The following GTF2E2 variants were observed in gnomAD, a reference collection of about 807,000 sequenced individuals.
The protein encoded by GTF2E2 is general transcription factor IIE subunit 2.
Under a neutral mutation model 40.5 loss-of-function variants are expected in GTF2E2, and 21 were observed. That is an observed-to-expected ratio of 0.52 (90% CI 0.37 to 0.75). The LOEUF is 0.75. Ranked by LOEUF, GTF2E2 falls within the 30% of genes least tolerant of loss-of-function variation. The pLI is 0.00. For synonymous variants in GTF2E2, 117 were observed against 121.6 expected, an observed-to-expected ratio of 0.96 and a Z score of 0.25; for missense variants, 298 against 338.4, an observed-to-expected ratio of 0.88 and a Z score of 0.94.
intron 5 of GTF2E2, among the ~76,000 whole-genome samples, chr8:30,611,463 A>G (rs962553374): frequency 6.6e-6 from 1 of 152,056 alleles, no homozygotes; most frequent in Non-Finnish European, 1.5e-5. Context: ...TCACGAATGG[A>G]AAAAAAAGAA....
intron 6 of GTF2E2, among the ~76,000 whole-genome samples, chr8:30,588,139 A>G (rs1242290193): frequency 6.6e-6 from 1 of 152,218 alleles, no homozygotes; most frequent in Non-Finnish European, 1.5e-5. Flanking sequence ...AAATTGGTGT[A>G]GCCATTATGG....
intron 2 of GTF2E2, among the ~76,000 whole-genome samples, chr8:30,635,425 C>T (rs967791328): frequency 6.6e-6 from 1 of 152,036 alleles, no homozygotes; most frequent in Non-Finnish European, 1.5e-5. Flanking sequence ...TCCCATTGCC[C>T]AGGCTGAAGT....
chr8:30,583,060 A>C (rs921133595), intron 6 of GTF2E2, among the ~76,000 whole-genome samples: 1 of 152,168 alleles, frequency 6.6e-6, no homozygotes, highest in Non-Finnish European at 1.5e-5. Context: ...TAGGCTGGGC[A>C]CGGTGGCTCA....
rs982984566 is a variant in GTF2E2, at chr8:30,606,407, T to C, written c.643+650A>G. Reference sequence around the variant, plus strand: ...GTCCAATTATTTTCCTGCCATTTTATAAAACTTCAAAAGTAATACAAATTT... The same window carrying C: ...GTCCAATTATTTTCCTGCCATTTTACAAAACTTCAAAAGTAATACAAATTT... On this transcript the variant is annotated intron_variant, in intron 6 of 7. Coordinates refer to ENST00000355904, the MANE Select transcript of GTF2E2 (RefSeq NM_002095.6). Among the ~76,000 whole-genome samples, 4 of 152,176 alleles carry C rather than the reference T, an allele frequency of 2.6e-5. No homozygotes were observed. In the East Asian group the frequency reaches 7.7e-4, roughly 29 times the overall value.
intron 5 of GTF2E2, among the ~76,000 whole-genome samples, chr8:30,609,435 G>T (rs1185347215): frequency 1.3e-5 from 2 of 151,936 alleles, no homozygotes; most frequent in East Asian, 3.9e-4. Flanking sequence ...ACAGATAAGG[G>T]ACAGTCAAAT....
chr8:30,647,689 A>T (rs898983802), intron 2 of GTF2E2, among the ~76,000 whole-genome samples: 4 of 152,264 alleles, frequency 2.6e-5, no homozygotes, highest in Non-Finnish European at 5.9e-5. Flanking sequence ...AACCAACTTT[A>T]AAAGGATTTG....
chr8:30,624,492 C>T (rs1362893588), intron 3 of GTF2E2, among the ~76,000 whole-genome samples: 8 of 152,072 alleles, frequency 5.3e-5, no homozygotes, highest in East Asian at 3.9e-4. Context: ...CTTCACAATG[C>T]GGGCTCTTTT....
intron 3 of GTF2E2, among the ~76,000 whole-genome samples, chr8:30,617,829 G>A (rs1800967486): frequency 6.6e-6 from 1 of 151,886 alleles, no homozygotes; most frequent in African/African-American, 2.4e-5. Context: ...AGAGAAAACT[G>A]GACAGACCTT....
intron 6 of GTF2E2, among the ~76,000 whole-genome samples, chr8:30,600,128 A>G (rs1829134060): frequency 6.6e-6 from 1 of 152,226 alleles, no homozygotes; most frequent in African/African-American, 2.4e-5. Context: ...GTTGCCAGCA[A>G]TGAGGAAAAA....
chr8:30,653,634 A>C, intron 1 of GTF2E2, 32 bp from the exon 2 acceptor site: 1 of 1,518,330 alleles, frequency 6.6e-7, no homozygotes, highest in Admixed American at 1.9e-5. Flanking sequence ...CTTTAATACA[A>C]ATTCAAGTCA....
intron 5 of GTF2E2, among the ~76,000 whole-genome samples, chr8:30,608,575 T>C (rs994478491): frequency 2.0e-5 from 3 of 151,996 alleles, no homozygotes; most frequent in Non-Finnish European, 4.4e-5. Context: ...TAGATCAAGG[T>C]GGTAAAAGGT....
intron 6 of GTF2E2, among the ~76,000 whole-genome samples, chr8:30,586,026 C>T (rs1828672330): frequency 6.6e-6 from 1 of 152,034 alleles, no homozygotes; most frequent in African/African-American, 2.4e-5. Context: ...TTGTGAGCTA[C>T]AATTGTGCCA....
intron 2 of GTF2E2, among the ~76,000 whole-genome samples, chr8:30,639,256 C>T (rs952015169): frequency 1.4e-4 from 21 of 152,126 alleles, no homozygotes; most frequent in African/African-American, 5.1e-4. Context: ...CATTATACTA[C>T]ACTGAACAGA....
Position 30,602,715 on chromosome 8 carries a change from T to C in GTF2E2, c.643+4342A>G, listed in dbSNP as rs186942356. On this transcript the variant is annotated intron_variant, in intron 6 of 7. Coordinates refer to ENST00000355904, the MANE Select transcript of GTF2E2 (RefSeq NM_002095.6). Reference sequence around the variant, plus strand: ...GTTGTTGTGAGCCAAGACTGCACCATTGCACTCCAGCCTGGGCAACAAGAG... The same window carrying C: ...GTTGTTGTGAGCCAAGACTGCACCACTGCACTCCAGCCTGGGCAACAAGAG... Among the ~76,000 whole-genome samples the C allele has an allele frequency of 4.5e-4, 66 of 147,038 alleles. 1 individual carries two copies. Among genetic ancestry groups the C allele is most frequent in the Admixed American group, 6.2e-4 (9 of 14,520 alleles).
chr8:30,592,976 G>A (rs747007800), intron 6 of GTF2E2, among the ~76,000 whole-genome samples: 27 of 152,260 alleles, frequency 1.8e-4, no homozygotes, highest in Non-Finnish European at 3.2e-4. Context: ...TGAGGCAGGC[G>A]GGTCACTTGA....
rs982999540 is a variant in GTF2E2 at position 30,657,995 on chromosome 8, C to G, written c.-27G>C. The G allele has an allele frequency of 1.3e-5, 2 of 154,428 alleles. No individual in the cohort carries two copies. Among genetic ancestry groups the G allele is most frequent in the Non-Finnish European group, 2.9e-5 (2 of 69,680 alleles). 9.6% of individuals were successfully genotyped at this position (154,428 alleles called of 1,614,324 possible). ...TACCTGAGTGAGAAGGGCAGCCTCG[C>G]ACGACTCGCCGCCCCCTTCCTGCGC... On this transcript the variant is annotated 5_prime_UTR_variant, in exon 1 of 8. Coordinates refer to ENST00000355904, the MANE Select transcript of GTF2E2 (RefSeq NM_002095.6).
chr8:30,654,178 C>G (rs558029252), intron 1 of GTF2E2, among the ~76,000 whole-genome samples: 1 of 151,900 alleles, frequency 6.6e-6, no homozygotes, highest in South Asian at 2.1e-4. Context: ...TAGCCACTAG[C>G]CACATGTGCC....
At chr8:30,646,591 C>G (rs1457958741) in intron 2 of GTF2E2, among the ~76,000 whole-genome samples, 1 of 152,068 alleles carries the variant, frequency 6.6e-6, no homozygotes, top group Non-Finnish European at 1.5e-5. Flanking sequence ...GCTCAAGGTA[C>G]AAAGATTTTT....
rs747813242 is a variant in GTF2E2, at chr8:30,607,083, T to C, written c.617A>G (p.Lys206Arg). 6.8e-7 allele frequency: 1 copy of C among 1,463,096 alleles called. No homozygotes were observed. 90.6% of individuals were successfully genotyped at this position (1,463,096 alleles called of 1,614,324 possible). ...DKKKILFFND[K>R]SCQFSVDEEF... is the part of the protein sequence containing the mutation. ...TTCATCCACAGAAAACTGACAGCTC[T>C]TATCATTGAAGAAAAGTATTTTCTT... Residue 206 changes from lysine (K) to arginine (R), a missense_variant, in exon 6 of 8, where the codon AAG becomes AGG. Lys to Arg is a conservative substitution (Grantham distance 26). Transcript: ENST00000355904.
Sources: gnomAD v4.1 joint callset for allele counts (sites outside exome capture counted in the v4.1 genomes callset) on GRCh38, gnomAD v4.1.1 for gene constraint, MANE v1.5 for transcripts, NCBI Gene and HGNC (gene_info 2026-07-23, HGNC 2026-07-21) for gene names.